The following CHODL variants were observed in gnomAD, a reference collection of about 807,000 sequenced individuals.
The protein encoded by CHODL is transmembrane protein MT75.
In CHODL, 29 loss-of-function variants were observed where a neutral mutation model predicts 34.5. The ratio of observed to expected loss-of-function variants is 0.84; its 90% CI spans 0.63 to 1.15. The LOEUF (loss-of-function observed/expected upper bound fraction) is 1.15, where lower values mean the gene tolerates loss of function less well. Among genes scored for constraint, CHODL ranks in the 50% most tolerant of loss-of-function variants. CHODL has a pLI of 0.00. For missense variants in CHODL, 332 were observed against 332.5 expected, an observed-to-expected ratio of 1.00 and a Z score of 0.01; for synonymous variants, 125 against 116.1, an observed-to-expected ratio of 1.08 and a Z score of -0.49.
At chr21:17,993,611 C>A (rs2063818911) in intron 1 of CHODL, among the ~76,000 whole-genome samples, 1 of 152,302 alleles carries the variant, frequency 6.6e-6, no homozygotes, top group African/African-American at 2.4e-5. Flanking sequence ...TTTATCCAGT[C>A]TATCATTGAT....
At chr21:17,970,102 G>A (rs922273512) in intron 1 of CHODL, among the ~76,000 whole-genome samples, 2 of 152,088 alleles carry the variant, frequency 1.3e-5, no homozygotes, top group Non-Finnish European at 1.5e-5. Flanking sequence ...GCCCTGGACC[G>A]ATATTAGTAA....
intron 1 of CHODL, among the ~76,000 whole-genome samples, chr21:18,022,988 G>A (rs2064141511): frequency 6.6e-6 from 1 of 152,176 alleles, no homozygotes; most frequent in Non-Finnish European, 1.5e-5. Flanking sequence ...GCAGGCACAT[G>A]TTAAGCTGGT....
intron 2 of CHODL, among the ~76,000 whole-genome samples, chr21:18,042,277 C>T (rs938734850): frequency 4.0e-5 from 6 of 151,752 alleles, no homozygotes; most frequent in Non-Finnish European, 5.9e-5. Flanking sequence ...GAATGGACCC[C>T]CTTCTCCCCA....
chr21:18,250,473 G>C (rs571255783), intron 1 of CHODL, among the ~76,000 whole-genome samples: 1 of 151,604 alleles, frequency 6.6e-6, no homozygotes, highest in Non-Finnish European at 1.5e-5. Flanking sequence ...AAATAAATTT[G>C]TTTATTAATG....
chr21:18,164,407 G>T (rs1054511440), intron 2 of CHODL, among the ~76,000 whole-genome samples: 3 of 152,150 alleles, frequency 2.0e-5, no homozygotes, highest in African/African-American at 7.2e-5. Context: ...AAAGTCAAGG[G>T]TTCTGTTCTA....
At chr21:18,016,164 T>G (rs1179598437) in intron 1 of CHODL, among the ~76,000 whole-genome samples, 1 of 152,226 alleles carries the variant, frequency 6.6e-6, no homozygotes, top group Non-Finnish European at 1.5e-5. Context: ...CAGCCCATCC[T>G]GTAACAGGCC....
upstream of CHODL, among the ~76,000 whole-genome samples, chr21:18,240,827 G>A (rs571749656): frequency 2.0e-5 from 3 of 152,200 alleles, no homozygotes; most frequent in South Asian, 6.2e-4. Context: ...TAGTAATGGA[G>A]TTCTATAAAT....
upstream of CHODL, among the ~76,000 whole-genome samples, chr21:18,243,291 C>G (rs1171072899): frequency 6.6e-6 from 1 of 152,220 alleles, no homozygotes; most frequent in East Asian, 1.9e-4. Context: ...CAGTGATGCT[C>G]TTTGACATGG....
At chr21:18,101,020 C>T (rs2065206507) in intron 2 of CHODL, among the ~76,000 whole-genome samples, 2 of 152,056 alleles carry the variant, frequency 1.3e-5, no homozygotes, top group Non-Finnish European at 2.9e-5. Flanking sequence ...TATGGTTTGG[C>T]TCTGTGTCCC....
In CHODL at chr21:18,257,025, C is replaced by T. The variant is rs776348043; in HGVS notation, c.445C>T (p.His149Tyr). 5.6e-6 allele frequency: 9 copies of T among 1,613,880 alleles called. No homozygotes were observed. The highest frequency in any genetic ancestry group is 1.6e-4 in the Middle Eastern group (1 of 6,080). The change falls in exon 3 of 6, where the codon CAC (histidine) becomes TAC (tyrosine). Residue 149 changes from histidine (H) to tyrosine (Y), a missense_variant. By Grantham distance (83) the His-to-Tyr change is moderately conservative (BLOSUM62 2). Transcript: ENST00000299295. ...CGSEKCVVMY[H>Y]QPTANPGLGG... ...AAGTGAAAAGTGTGTTGTGATGTAT[C>T]ACCAACCAACTGCCAATCCTGGCCT...
intron 2 of CHODL, among the ~76,000 whole-genome samples, chr21:18,155,298 G>A (rs2073022342): frequency 6.6e-6 from 1 of 152,158 alleles, no homozygotes; most frequent in Non-Finnish European, 1.5e-5. Flanking sequence ...CCCCAACGTT[G>A]CCAAGCCCTC....
intron 2 of CHODL, among the ~76,000 whole-genome samples, chr21:18,152,950 T>C (rs1235802016): frequency 6.6e-6 from 1 of 152,228 alleles, no homozygotes; most frequent in Non-Finnish European, 1.5e-5. Context: ...GACTATCTCA[T>C]GGTCTTGACA....
intron 2 of CHODL, among the ~76,000 whole-genome samples, chr21:18,225,362 G>T (rs956357835): frequency 6.6e-6 from 1 of 152,000 alleles, no homozygotes; most frequent in African/African-American, 2.4e-5. Context: ...ATTTAAGGAC[G>T]ATTGCTTTTC....
At chr21:18,006,615 C>T (rs896502411) in intron 1 of CHODL, among the ~76,000 whole-genome samples, 1 of 152,174 alleles carries the variant, frequency 6.6e-6, no homozygotes, top group African/African-American at 2.4e-5. Context: ...TAATGCAAAA[C>T]ATTCTTTTCA....
At chr21:17,947,538 CACACAG>C (rs1201616906) in intron 1 of CHODL, among the ~76,000 whole-genome samples, 2 of 85,220 alleles carry the variant, frequency 2.3e-5, no homozygotes, top group African/African-American at 8.1e-5. Context: ...AAGAAACACA[CACACAG>C]ACACACACAC....
intron 1 of CHODL, among the ~76,000 whole-genome samples, chr21:18,249,056 A>G (rs1208198442): frequency 1.6e-5 from 2 of 124,192 alleles, no homozygotes; most frequent in East Asian, 2.1e-4. Flanking sequence ...TATATATTAT[A>G]TATAATTTAC....
At chr21:18,140,365 C>T (rs1159465698) in intron 2 of CHODL, among the ~76,000 whole-genome samples, 3 of 152,126 alleles carry the variant, frequency 2.0e-5, no homozygotes, top group Non-Finnish European at 4.4e-5. Flanking sequence ...GCTGCCCTTT[C>T]TATATGATGT....
intron 1 of CHODL, among the ~76,000 whole-genome samples, chr21:17,929,268 TTCA>T (rs2063252303): frequency 6.6e-6 from 1 of 152,212 alleles, no homozygotes; most frequent in South Asian, 2.1e-4. Context: ...TCACTAACAA[TTCA>T]TCAATTCTAA....
At chr21:18,186,165 C>T (rs2073438778) in intron 2 of CHODL, among the ~76,000 whole-genome samples, 1 of 152,040 alleles carries the variant, frequency 6.6e-6, no homozygotes, top group East Asian at 1.9e-4. Context: ...GCAGAACGAC[C>T]CTACCGACTG....
Sources: allele counts gnomAD v4.1 joint callset (sites outside exome capture counted in the v4.1 genomes callset), GRCh38; gene constraint gnomAD v4.1.1; transcripts MANE v1.5; gene names NCBI Gene and HGNC (gene_info 2026-07-23, HGNC 2026-07-21).